Variants in TLN2 observed in about 807,000 individuals in gnomAD.
The protein encoded by TLN2 is talin-2.
TLN2 carries 118 observed loss-of-function variants against 294.7 expected under a neutral mutation model. The ratio of observed to expected loss-of-function variants is 0.40; its 90% CI spans 0.34 to 0.47. The LOEUF (loss-of-function observed/expected upper bound fraction) is 0.47. Ranked by LOEUF, TLN2 falls within the 20% of genes least tolerant of loss-of-function variation. TLN2 has a pLI of 0.84. For missense variants in TLN2, 3,083 were observed against 3,282.2 expected (o/e 0.94, Z 1.48); for synonymous variants, 1,431 against 1,304.5 (o/e 1.10, Z -2.09).
chr15:62,837,740 A>G (rs1248854985), intron 57 of TLN2, among the ~76,000 whole-genome samples: 2 of 152,210 alleles, frequency 1.3e-5, no homozygotes, highest in African/African-American at 4.8e-5. Flanking sequence ...TTCTGACCTC[A>G]TAAACCCTTT....
intron 1 of TLN2, among the ~76,000 whole-genome samples, chr15:62,429,131 T>TGG (rs1421790915): frequency 9.4e-5 from 13 of 138,750 alleles, no homozygotes; most frequent in South Asian, 2.5e-4. Flanking sequence ...TGGCGGGGGT[T>TGG]GGGGGGGTAG....
At chr15:62,572,946 G>A (rs1427919678) in intron 1 of TLN2, among the ~76,000 whole-genome samples, 9 of 152,118 alleles carry the variant, frequency 5.9e-5, no homozygotes, top group Non-Finnish European at 7.4e-5. Context: ...GCCAAGTCCC[G>A]GCTTCACCAT....
rs762679240 is a variant in TLN2, at chr15:62,653,260, C to T, written c.463C>T (p.Arg155Ter). 1.9e-6 allele frequency: 3 copies of T among 1,613,694 alleles called. No individual in the cohort carries two copies. Among genetic ancestry groups the T allele is most frequent in the East Asian group, 2.2e-5 (1 of 44,886 alleles). ...ACTCAAAAAAGACAGGACACTGTTA[C>T]GAGATGAGAGGAAAATGGAGAAGTT... ...GTLKKDRTLL[R>*]DERKMEKLKA... is the part of the protein sequence containing the mutation. The change falls in exon 7 of 59, where the codon CGA becomes TGA. Residue 155 changes from arginine to a stop codon, truncating the protein, a stop_gained. Coordinates refer to ENST00000636159, the MANE Select transcript of TLN2 (RefSeq NM_015059.3). LOFTEE classifies it high-confidence loss of function.
intron 1 of TLN2, among the ~76,000 whole-genome samples, chr15:62,441,333 G>T (rs1466097797): frequency 6.6e-6 from 1 of 152,204 alleles, no homozygotes; most frequent in Non-Finnish European, 1.5e-5. Flanking sequence ...CTGGGCTCAC[G>T]TGATGTCTGT....
chr15:62,690,769 G>A (rs1380751741), intron 12 of TLN2, among the ~76,000 whole-genome samples: 5 of 150,860 alleles, frequency 3.3e-5, no homozygotes, highest in African/African-American at 7.4e-5. Context: ...CCGGCACCTC[G>A]GGAGGCCGAG....
intron 1 of TLN2, among the ~76,000 whole-genome samples, chr15:62,482,134 C>A (rs543528740): frequency 1.3e-5 from 2 of 152,078 alleles, no homozygotes; most frequent in Admixed American, 6.6e-5. Flanking sequence ...TTATATAAAA[C>A]GATAAATTAT....
chr15:62,695,521 A>G (rs1305375585), intron 14 of TLN2, among the ~76,000 whole-genome samples: 2 of 152,176 alleles, frequency 1.3e-5, no homozygotes, highest in Admixed American at 6.5e-5. Context: ...TAGAGCCAGG[A>G]CTCAGATTCA....
intron 1 of TLN2, among the ~76,000 whole-genome samples, chr15:62,553,807 T>G (rs1389736507): frequency 6.6e-6 from 1 of 152,216 alleles, no homozygotes; most frequent in Non-Finnish European, 1.5e-5. Flanking sequence ...TGCTTCCTTA[T>G]TATTTATAAA....
chr15:62,781,789 T>C (rs372028047), intron 44 of TLN2, among the ~76,000 whole-genome samples: 1 of 152,190 alleles, frequency 6.6e-6, no homozygotes, highest in African/African-American at 2.4e-5. Context: ...CATACAACTT[T>C]TGGAGGTAAT....
intron 1 of TLN2, among the ~76,000 whole-genome samples, chr15:62,477,905 G>C (rs540993931): frequency 1.4e-5 from 2 of 145,704 alleles, no homozygotes; most frequent in African/African-American, 2.5e-5. Context: ...GGGATGGAGG[G>C]GGGGGTGCAG....
intron 45 of TLN2, among the ~76,000 whole-genome samples, chr15:62,787,488 C>G (rs990712907): frequency 1.3e-5 from 2 of 151,858 alleles, no homozygotes; most frequent in East Asian, 3.9e-4. Flanking sequence ...ACTTTTATTT[C>G]GACAAAAAAA....
intron 54 of TLN2, among the ~76,000 whole-genome samples, chr15:62,823,148 G>A (rs2067728144): frequency 6.6e-6 from 1 of 152,182 alleles, no homozygotes; most frequent in African/African-American, 2.4e-5. Context: ...CATCGTATTA[G>A]GAAGGGTGAT....
chr15:62,535,487 C>CAG (rs1555424924), intron 1 of TLN2, among the ~76,000 whole-genome samples: 4 of 151,836 alleles, frequency 2.6e-5, no homozygotes, highest in Non-Finnish European at 4.4e-5. Context: ...CACACACACA[C>CAG]ACACCCCTCT....
At chr15:62,640,940 T>G (rs1365751039) in intron 3 of TLN2, among the ~76,000 whole-genome samples, 1 of 152,042 alleles carries the variant, frequency 6.6e-6, no homozygotes, top group South Asian at 2.1e-4. Flanking sequence ...TGGCTGGGAT[T>G]ACAGGCGCCC....
chr15:62,619,126 T>C (rs1234761899), intron 3 of TLN2, among the ~76,000 whole-genome samples: 1 of 152,202 alleles, frequency 6.6e-6, no homozygotes, highest in Non-Finnish European at 1.5e-5. Context: ...AATCTAGGTT[T>C]GTTTGTTTTT....
intron 2 of TLN2, among the ~76,000 whole-genome samples, chr15:62,598,041 T>G (rs1373085640): frequency 6.6e-6 from 1 of 152,192 alleles, no homozygotes; most frequent in East Asian, 1.9e-4. Context: ...TGTCGTGTGT[T>G]GGATGGGGCA....
chr15:62,641,225 T>C (rs74471805), intron 3 of TLN2, among the ~76,000 whole-genome samples: 16,408 of 152,178 alleles, frequency 0.11, 1,137 homozygotes, highest in Admixed American at 0.2. Flanking sequence ...AGATACAAAA[T>C]AAACAATAAA....
In TLN2 at chr15:62,675,519, T is replaced by C. The variant is rs142368470; in HGVS notation, c.957+198T>C. On this transcript the variant is annotated intron_variant, in intron 11 of 58. Transcript: ENST00000636159. The stretch of plus-strand genomic sequence containing the variant: ...CTGCAGGCTGGTGAGTGAGCGCTGC[T>C]GTCCAGGAGCCCCTGGGCAGCTGGG... Among the ~76,000 whole-genome samples, 68 of 152,356 alleles carry C rather than the reference T, an allele frequency of 4.5e-4. No individual in the cohort carries two copies. The East Asian group carries it at 8.3e-3, about 19-fold the overall frequency.
intron 1 of TLN2, among the ~76,000 whole-genome samples, chr15:62,528,503 C>T (rs2040857516): frequency 6.6e-6 from 1 of 152,092 alleles, no homozygotes; most frequent in Non-Finnish European, 1.5e-5. Context: ...CACTCTGTTC[C>T]ACACCAGTGG....
Sources: allele counts gnomAD v4.1 joint callset (sites outside exome capture counted in the v4.1 genomes callset), GRCh38; gene constraint gnomAD v4.1.1; transcripts MANE v1.5; gene names NCBI Gene and HGNC (gene_info 2026-07-23, HGNC 2026-07-21).